The following LINGO2 variants were observed in gnomAD, a reference collection of about 807,000 sequenced individuals.
LINGO2 encodes leucine rich repeat and Ig domain containing 2.
LINGO2 carries 14 observed loss-of-function variants against 30.6 expected under a neutral mutation model. The observed-to-expected ratio is 0.46, with a 90% CI of 0.30 to 0.72. The LOEUF (loss-of-function observed/expected upper bound fraction) is 0.72, where lower values mean the gene tolerates loss of function less well. Ranked by LOEUF, LINGO2 falls within the 30% of genes least tolerant of loss-of-function variation. The probability of loss-of-function intolerance (pLI) is 0.07; values close to 1 mark genes in which losing one functional copy is unlikely to be tolerated. For synonymous variants in LINGO2, 317 were observed against 288.5 expected (o/e 1.10, Z -1.00); for missense variants, 729 against 751.7 (o/e 0.97, Z 0.35).
chr9:28,359,126 CAA>C (rs1016968112), intron 3 of LINGO2, among the ~76,000 whole-genome samples: 7 of 152,100 alleles, frequency 4.6e-5, no homozygotes, highest in African/African-American at 1.7e-4. Flanking sequence ...GAATCGACTG[CAA>C]AGAGGACATC....
Position 28,196,597 on chromosome 9 carries a change from G to A in LINGO2, c.-87+98611C>T, listed in dbSNP as rs1564034064. ...CTTAATTTTTACTAAGAAACAGAAA[G>A]AGGTCCTTACAAATGCAAAATTGTG... On this transcript the variant is annotated intron_variant, in intron 4 of 5. Coordinates refer to ENST00000379992, the Ensembl canonical transcript of LINGO2. Among the ~76,000 whole-genome samples, 8 of 152,000 alleles carry A rather than the reference G, an allele frequency of 5.3e-5. No homozygotes were observed. The South Asian group carries it at 1.7e-3, about 32-fold the overall frequency.
At chr9:28,021,090 C>A (rs911839432) in intron 4 of LINGO2, among the ~76,000 whole-genome samples, 7 of 151,666 alleles carry the variant, frequency 4.6e-5, no homozygotes, top group Non-Finnish European at 1.0e-4. Flanking sequence ...TTAGGCTTAA[C>A]TTGCTCTTTT....
chr9:27,991,921 T>G (rs1821417553), intron 5 of LINGO2, among the ~76,000 whole-genome samples: 1 of 152,116 alleles, frequency 6.6e-6, no homozygotes, highest in Non-Finnish European at 1.5e-5. Flanking sequence ...GATCCCAATT[T>G]GCTTTCACCT....
At chr9:28,525,677 CAG>C (rs1300451962) in intron 1 of LINGO2, among the ~76,000 whole-genome samples, 1 of 152,094 alleles carries the variant, frequency 6.6e-6, no homozygotes. Flanking sequence ...AGGGAGGCAA[CAG>C]AGTGACTTAT....
At chr9:28,968,782 T>G in the LINGO2 span, among the ~76,000 whole-genome samples, 1 of 152,172 alleles carries the variant, frequency 6.6e-6, no homozygotes, top group Non-Finnish European at 1.5e-5. Context: ...TGTATTAATT[T>G]TGATGTATAA....
intron 1 of LINGO2, among the ~76,000 whole-genome samples, chr9:28,552,268 G>A (rs1032753135): frequency 1.3e-5 from 2 of 151,924 alleles, no homozygotes; most frequent in East Asian, 1.9e-4. Context: ...TAGATTGGAT[G>A]CCCTATTCCC....
the LINGO2 span, among the ~76,000 whole-genome samples, chr9:28,815,316 CAAGT>C: frequency 6.8e-4 from 104 of 152,112 alleles, no homozygotes; most frequent in Non-Finnish European, 2.9e-5. Flanking sequence ...TTGATACACT[CAAGT>C]AAGAGATCTG....
At chr9:28,535,702 GCACACA>G (rs147738543) in intron 1 of LINGO2, among the ~76,000 whole-genome samples, 1 of 147,794 alleles carries the variant, frequency 6.8e-6, no homozygotes, top group Non-Finnish European at 1.5e-5. Flanking sequence ...GTACGTGCAT[GCACACA>G]CACACACACG....
At chr9:29,124,393 A>G in the LINGO2 span, among the ~76,000 whole-genome samples, 2 of 152,214 alleles carry the variant, frequency 1.3e-5, no homozygotes, top group African/African-American at 4.8e-5. Context: ...AATGGCAACA[A>G]AAGCCAAAAC....
intron 4 of LINGO2, among the ~76,000 whole-genome samples, chr9:28,231,072 A>T (rs1275973323): frequency 6.6e-6 from 1 of 151,914 alleles, no homozygotes; most frequent in East Asian, 1.9e-4. Flanking sequence ...TAATATAGAG[A>T]CCTCAATATG....
intron 2 of LINGO2, among the ~76,000 whole-genome samples, chr9:28,394,311 A>G (rs1001583207): frequency 4.6e-5 from 7 of 152,326 alleles, no homozygotes; most frequent in African/African-American, 1.2e-4. Flanking sequence ...CTAATTCTGA[A>G]GGCAAGAGAT....
At chr9:29,114,877 C>A in the LINGO2 span, among the ~76,000 whole-genome samples, 1 of 151,932 alleles carries the variant, frequency 6.6e-6, no homozygotes, top group Admixed American at 6.6e-5. Context: ...ACACTCAGTT[C>A]TTTACGGATG....
In LINGO2 at chr9:28,196,065, A is replaced by G. The variant is rs1399548120; in HGVS notation, c.-87+99143T>C. On this transcript the variant is annotated intron_variant, in intron 4 of 5. Coordinates refer to ENST00000379992, the Ensembl canonical transcript of LINGO2. ...CGTTTGATTATTTCTACTGATGCAG[A>G]TAAGTGTGTGATAAATATACAAATA... Among the ~76,000 whole-genome samples, 5 of 151,692 alleles carry G rather than the reference A, an allele frequency of 3.3e-5. No homozygotes were observed. In the East Asian group the frequency reaches 5.8e-4, roughly 18 times the overall value.
At chr9:27,977,058 G>A (rs895792006) in intron 5 of LINGO2, among the ~76,000 whole-genome samples, 15 of 151,568 alleles carry the variant, frequency 9.9e-5, no homozygotes, top group African/African-American at 3.4e-4. Flanking sequence ...AAAAAGAAGT[G>A]GAAGCAAACA....
chr9:29,077,863 A>G, the LINGO2 span, among the ~76,000 whole-genome samples: 29,945 of 151,796 alleles, frequency 0.2, 3,104 homozygotes, highest in African/African-American at 0.24. Flanking sequence ...TAAAGCCTGG[A>G]GAGAAGAAAA....
chr9:28,404,187 C>G (rs7866491), intron 2 of LINGO2, among the ~76,000 whole-genome samples: 130,889 of 152,066 alleles, frequency 0.86, 56,951 homozygotes, highest in Non-Finnish European at 0.92. Flanking sequence ...TTCTTCAAAG[C>G]TGTCTTTTTT....
intron 4 of LINGO2, among the ~76,000 whole-genome samples, chr9:28,210,804 AT>A (rs71502442): frequency 1.3e-5 from 2 of 151,050 alleles, no homozygotes; most frequent in Non-Finnish European, 3.0e-5. Context: ...TTATATTTTT[AT>A]TTTTTTCATG....
chr9:29,173,619 T>C, the LINGO2 span, among the ~76,000 whole-genome samples: 3 of 152,236 alleles, frequency 2.0e-5, no homozygotes, highest in South Asian at 6.2e-4. Context: ...TATCTGCCAT[T>C]GGAAAACCAT....
the LINGO2 span, among the ~76,000 whole-genome samples, chr9:28,809,401 CATT>C: frequency 6.6e-6 from 1 of 152,094 alleles, no homozygotes; most frequent in Non-Finnish European, 1.5e-5. Flanking sequence ...TCCCTAAAAC[CATT>C]ATTATCTCAA....
Sources: gnomAD v4.1 joint callset for allele counts (sites outside exome capture counted in the v4.1 genomes callset) on GRCh38, gnomAD v4.1.1 for gene constraint, MANE v1.5 for transcripts, NCBI Gene and HGNC (gene_info 2026-07-23, HGNC 2026-07-21) for gene names.